CDH13: variants seen among roughly 807,000 people sequenced by gnomAD.
CDH13 encodes the protein cadherin 13.
CDH13 carries 24 observed loss-of-function variants against 63.8 expected under a neutral mutation model. The observed-to-expected ratio is 0.38, with a 90% CI of 0.27 to 0.53. CDH13 has a LOEUF of 0.53. Ranked by LOEUF, CDH13 falls within the 20% of genes least tolerant of loss-of-function variation. The probability of loss-of-function intolerance (pLI) is 0.85; values close to 1 mark genes in which losing one functional copy is unlikely to be tolerated. For synonymous variants in CDH13, 503 were observed against 355.3 expected, an observed-to-expected ratio of 1.42 and a Z score of -4.67; for missense variants, 1,049 against 903.1, an observed-to-expected ratio of 1.16 and a Z score of -2.07.
At chr16:83,721,071 T>C (rs1178150859) in intron 10 of CDH13, 1 of 152,262 alleles carries the variant, frequency 6.6e-6, no homozygotes, top group Admixed American at 6.5e-5. Flanking sequence ...AGCATGGTTG[T>C]TTGATGTAGA....
chr16:83,508,510 A>G (rs117609775), intron 7 of CDH13: 2,249 of 152,746 alleles, frequency 0.015, 17 homozygotes, highest in Non-Finnish European at 0.024. Flanking sequence ...TCCTCTGACC[A>G]TGGGAGTGTG....
chr16:82,731,915 T>C (rs559368939), intron 1 of CDH13, among the ~76,000 whole-genome samples: 1 of 152,348 alleles, frequency 6.6e-6, no homozygotes, highest in Admixed American at 6.5e-5. Context: ...GAATGGGGCA[T>C]GTTCTCTTTA....
chr16:83,191,492 C>CAT (rs200931128), intron 4 of CDH13, among the ~76,000 whole-genome samples: 7 of 92,688 alleles, frequency 7.6e-5, no homozygotes, highest in East Asian at 3.1e-4. Flanking sequence ...TATATATGCA[C>CAT]ATATATATAT....
At chr16:82,916,627 C>T (rs944820341) in intron 2 of CDH13, among the ~76,000 whole-genome samples, 1 of 151,852 alleles carries the variant, frequency 6.6e-6, no homozygotes, top group Non-Finnish European at 1.5e-5. Flanking sequence ...TTGATAAATG[C>T]CATGATAGAT....
At chr16:83,626,299 G>T (rs772242819) in intron 8 of CDH13, among the ~76,000 whole-genome samples, 1 of 152,186 alleles carries the variant, frequency 6.6e-6, no homozygotes, top group South Asian at 2.1e-4. Context: ...GAAAGCACCA[G>T]CCATCAGGAC....
At chr16:82,973,257 G>C (rs1909025068) in intron 2 of CDH13, among the ~76,000 whole-genome samples, 1 of 152,232 alleles carries the variant, frequency 6.6e-6, no homozygotes, top group African/African-American at 2.4e-5. Flanking sequence ...AAGCAGAGCA[G>C]ATGCTCAGAC....
At chr16:83,171,706 TC>T in intron 4 of CDH13, 1 of 705,266 alleles carries the variant, frequency 1.4e-6, no homozygotes, top group Non-Finnish European at 2.5e-6. Flanking sequence ...CTCTCCCATT[TC>T]CCCAGAACCT....
chr16:83,562,537 C>T (rs1314804666), intron 7 of CDH13, among the ~76,000 whole-genome samples: 1 of 152,132 alleles, frequency 6.6e-6, no homozygotes, highest in African/African-American at 2.4e-5. Context: ...CATAAATCTG[C>T]ATGAGTAAGA....
intron 1 of CDH13, among the ~76,000 whole-genome samples, chr16:82,779,825 G>A (rs1190493157): frequency 6.6e-6 from 1 of 151,642 alleles, no homozygotes; most frequent in African/African-American, 2.4e-5. Flanking sequence ...GATGACTGAA[G>A]TAGAGGGAAA....
intron 2 of CDH13, among the ~76,000 whole-genome samples, chr16:83,000,111 T>G (rs1912703491): frequency 6.6e-6 from 1 of 152,072 alleles, no homozygotes; most frequent in Non-Finnish European, 1.5e-5. Context: ...TGGAGGATGT[T>G]GCGGAGCGTT....
chr16:83,367,956 C>T (rs918975995), intron 6 of CDH13, among the ~76,000 whole-genome samples: 3 of 152,152 alleles, frequency 2.0e-5, no homozygotes, highest in Admixed American at 1.3e-4. Flanking sequence ...TAATTTCCTT[C>T]AACAATGTTT....
chr16:83,088,322 G>C (rs7201057), intron 3 of CDH13, among the ~76,000 whole-genome samples: 52,542 of 152,054 alleles, frequency 0.35, 9,695 homozygotes, highest in Middle Eastern at 0.55. Context: ...AGAGCTATGA[G>C]TTTAAATGTC....
At chr16:83,589,577 C>T (rs1354152379) in intron 7 of CDH13, among the ~76,000 whole-genome samples, 1 of 151,832 alleles carries the variant, frequency 6.6e-6, no homozygotes, top group African/African-American at 2.4e-5. Flanking sequence ...AGAACATGGC[C>T]ATCTTTGATA....
At chr16:82,748,092 C>T (rs1444360831) in intron 1 of CDH13, among the ~76,000 whole-genome samples, 2 of 152,096 alleles carry the variant, frequency 1.3e-5, no homozygotes, top group African/African-American at 2.4e-5. Flanking sequence ...TCTCTTTGCC[C>T]CCAGTCTCCT....
At chr16:82,797,509 C>G (rs2036640942) in intron 1 of CDH13, among the ~76,000 whole-genome samples, 1 of 152,208 alleles carries the variant, frequency 6.6e-6, no homozygotes, top group Non-Finnish European at 1.5e-5. Flanking sequence ...TGGCACTTAT[C>G]TGATCTTTCA....
At chr16:83,383,283 T>C (rs557174660) in intron 6 of CDH13, 5 of 152,322 alleles carry the variant, frequency 3.3e-5, no homozygotes, top group African/African-American at 1.2e-4. Context: ...TGCCCAAGGC[T>C]CAGGAATGTT....
At chr16:83,092,209 G>A (rs2033947320) in intron 3 of CDH13, among the ~76,000 whole-genome samples, 1 of 152,178 alleles carries the variant, frequency 6.6e-6, no homozygotes, top group Non-Finnish European at 1.5e-5. Context: ...CTTATCCAAA[G>A]TGACACAATT....
rs1211898480 is a variant in CDH13 at position 83,047,249 on chromosome 16, A to AT, written c.366+15034dup. ...CAGAGGCCTGTGTATTTATTTATTT[A>AT]TTTATTTTTTTGGTAAAGGCCTCTG... On this transcript the variant is annotated intron_variant, in intron 3 of 13. Coordinates refer to ENST00000567109, the MANE Select transcript of CDH13 (RefSeq NM_001257.5). The surrounding 1 kb of genome is among the most constrained non-coding windows in gnomAD (Gnocchi z 4.9). Among the ~76,000 whole-genome samples the AT allele has an allele frequency of 1.3e-5, 2 of 151,934 alleles. No individual in the cohort carries two copies. Among genetic ancestry groups the AT allele is most frequent in the African/African-American group, 4.8e-5 (2 of 41,402 alleles).
intron 8 of CDH13, among the ~76,000 whole-genome samples, chr16:83,651,160 C>G (rs1445351900): frequency 2.0e-5 from 3 of 152,050 alleles, no homozygotes; most frequent in Non-Finnish European, 4.4e-5. Flanking sequence ...AGACCCCTAG[C>G]TCTAAGTAGT....
Sources: gnomAD v4.1 joint callset for allele counts (sites outside exome capture counted in the v4.1 genomes callset) on GRCh38, gnomAD v4.1.1 for gene constraint, Gnocchi (gnomAD v3.1) non-coding constraint, MANE v1.5 for transcripts, NCBI Gene and HGNC (gene_info 2026-07-23, HGNC 2026-07-21) for gene names.